Variants in GPC5 observed in about 807,000 individuals in gnomAD.
GPC5 encodes the protein glypican 5.
GPC5 carries 47 observed loss-of-function variants against 53.9 expected under a neutral mutation model. The observed-to-expected ratio is 0.87, with a 90% confidence interval of 0.69 to 1.11. The LOEUF is 1.11. Ranked by LOEUF, GPC5 falls within the 50% of genes most tolerant of loss-of-function variation. GPC5 has a pLI of 0.00. For synonymous variants in GPC5, 286 were observed against 263.3 expected (o/e 1.09, Z -0.84); for missense variants, 748 against 713.1 (o/e 1.05, Z -0.56).
chr13:92,755,905 G>A (rs1198005593), intron 7 of GPC5, among the ~76,000 whole-genome samples: 1 of 148,242 alleles, frequency 6.7e-6, no homozygotes, highest in African/African-American at 2.5e-5. Context: ...AGAGGTACAA[G>A]GAGGAACTGG....
intron 7 of GPC5, among the ~76,000 whole-genome samples, chr13:92,289,703 A>G (rs1249443861): frequency 1.3e-5 from 2 of 152,028 alleles, no homozygotes; most frequent in Non-Finnish European, 2.9e-5. Context: ...ACTTTTCTCA[A>G]TATGAATGTC....
intron 5 of GPC5, among the ~76,000 whole-genome samples, chr13:91,853,254 C>G (rs1566304506): frequency 6.6e-6 from 1 of 151,918 alleles, no homozygotes; most frequent in Non-Finnish European, 1.5e-5. Context: ...TGGGGGGTTT[C>G]TCTTTCTCAT....
chr13:92,558,326 G>A (rs1882571353), intron 7 of GPC5, among the ~76,000 whole-genome samples: 1 of 151,940 alleles, frequency 6.6e-6, no homozygotes, highest in African/African-American at 2.4e-5. Context: ...GTTAATTTAT[G>A]CATTTTCTAA....
At chr13:92,842,101 G>A (rs1878449316) in intron 7 of GPC5, among the ~76,000 whole-genome samples, 1 of 152,004 alleles carries the variant, frequency 6.6e-6, no homozygotes, top group African/African-American at 2.4e-5. Context: ...AATATACATA[G>A]CATTTTACAA....
At chr13:92,754,241 T>A (rs1054147841) in intron 7 of GPC5, among the ~76,000 whole-genome samples, 4 of 151,960 alleles carry the variant, frequency 2.6e-5, no homozygotes, top group Non-Finnish European at 5.9e-5. Context: ...GCTTCATAAG[T>A]GAAGGAGAAA....
At chr13:91,963,926 A>G (rs1253553796) in intron 6 of GPC5, among the ~76,000 whole-genome samples, 1 of 152,178 alleles carries the variant, frequency 6.6e-6, no homozygotes, top group Non-Finnish European at 1.5e-5. Flanking sequence ...GGGACTGTAA[A>G]CTAGTTCAAC....
chr13:92,286,987 C>A (rs756791580), intron 7 of GPC5, among the ~76,000 whole-genome samples: 1 of 152,100 alleles, frequency 6.6e-6, no homozygotes, highest in Non-Finnish European at 1.5e-5. Context: ...ACGCTAGAGG[C>A]CCTCAGAAGA....
At chr13:92,027,306 C>T (rs190541547) in intron 6 of GPC5, among the ~76,000 whole-genome samples, 1 of 152,048 alleles carries the variant, frequency 6.6e-6, no homozygotes, top group African/African-American at 2.4e-5. Context: ...ACATTATGTT[C>T]TCACTTAACA....
At chr13:91,667,469 C>A (rs964859851) in intron 2 of GPC5, among the ~76,000 whole-genome samples, 2 of 152,154 alleles carry the variant, frequency 1.3e-5, no homozygotes, top group African/African-American at 4.8e-5. Flanking sequence ...TCAGCTTGGC[C>A]TCAACCAAAT....
At chr13:91,900,977 A>T (rs2138986019) in intron 5 of GPC5, among the ~76,000 whole-genome samples, 1 of 152,232 alleles carries the variant, frequency 6.6e-6, no homozygotes, top group African/African-American at 2.4e-5. Flanking sequence ...ACAGTGATTA[A>T]TATCCATTCT....
At chr13:91,556,442 G>A (rs1203809468) in intron 2 of GPC5, among the ~76,000 whole-genome samples, 1 of 151,618 alleles carries the variant, frequency 6.6e-6, no homozygotes, top group African/African-American at 2.4e-5. Flanking sequence ...GTTTATAGCA[G>A]CACAGTTTGC....
chr13:92,421,680 C>T (rs1232958465), intron 7 of GPC5, among the ~76,000 whole-genome samples: 9 of 105,504 alleles, frequency 8.5e-5, no homozygotes, highest in Non-Finnish European at 1.5e-4. Context: ...GCCTGTGCCA[C>T]AGAGCAAGAC....
intron 7 of GPC5, among the ~76,000 whole-genome samples, chr13:92,350,678 C>T (rs912092097): frequency 2.6e-5 from 4 of 152,076 alleles, no homozygotes; most frequent in East Asian, 1.9e-4. Flanking sequence ...GAGTCAATTT[C>T]GAAAGTTCTC....
intron 6 of GPC5, chr13:91,994,414 A>G (rs2040485582): frequency 6.6e-6 from 1 of 152,224 alleles, no homozygotes; most frequent in South Asian, 2.1e-4. Context: ...CCTTATATTC[A>G]TTCAAAACCC....
intron 7 of GPC5, among the ~76,000 whole-genome samples, chr13:92,457,434 G>A (rs1878311484): frequency 6.6e-6 from 1 of 151,836 alleles, no homozygotes; most frequent in Non-Finnish European, 1.5e-5. Flanking sequence ...CCAGTTGTGA[G>A]AATCAAAAAC....
intron 6 of GPC5, among the ~76,000 whole-genome samples, chr13:92,105,931 C>T (rs892491875): frequency 6.6e-6 from 1 of 151,958 alleles, no homozygotes; most frequent in Non-Finnish European, 1.5e-5. Context: ...TTAATATTGC[C>T]TACCTTGGTC....
At chr13:91,732,668 A>G (rs2036726923) in intron 4 of GPC5, among the ~76,000 whole-genome samples, 1 of 152,110 alleles carries the variant, frequency 6.6e-6, no homozygotes, top group Non-Finnish European at 1.5e-5. Context: ...TTTACATTTA[A>G]GTTTTAATCT....
chr13:91,848,871 TA>T (rs1487721898), intron 5 of GPC5, among the ~76,000 whole-genome samples: 3 of 152,222 alleles, frequency 2.0e-5, no homozygotes, highest in Non-Finnish European at 4.4e-5. Context: ...TGAGTAACTT[TA>T]AAAAATCAGA....
intron 7 of GPC5, among the ~76,000 whole-genome samples, chr13:92,649,724 G>T (rs1408655658): frequency 6.6e-6 from 1 of 152,014 alleles, no homozygotes; most frequent in African/African-American, 2.4e-5. Flanking sequence ...AAACAAACTT[G>T]GTTCATTGGT....
Sources: allele counts gnomAD v4.1 joint callset (sites outside exome capture counted in the v4.1 genomes callset), GRCh38; gene constraint gnomAD v4.1.1; transcripts MANE v1.5; gene names NCBI Gene and HGNC (gene_info 2026-07-23, HGNC 2026-07-21).